Variants in BOP1 observed in about 807,000 individuals in gnomAD.
The protein encoded by BOP1 is BOP1 ribosomal biogenesis factor.
A neutral mutation model predicts 82.9 loss-of-function variants in BOP1; 54 were observed. The ratio of observed to expected loss-of-function variants is 0.65; its 90% CI spans 0.52 to 0.82. The LOEUF (loss-of-function observed/expected upper bound fraction) is 0.82, where lower values mean the gene tolerates loss of function less well. BOP1 is among the 40% of genes least tolerant of loss of function. BOP1 has a pLI of 0.00. For missense variants in BOP1, 1,170 were observed against 1,072.0 expected (o/e 1.09, Z -1.28); for synonymous variants, 566 against 451.1 (o/e 1.25, Z -3.23).
At position 144,264,339 on chromosome 8, in the gene BOP1, G is replaced by A. The variant is rs1564595010; in HGVS notation, c.864C>T (p.Asp288=). The change falls in exon 7 of 16, where the codon GAC becomes GAT. Residue 288 remains aspartate (D), a synonymous_variant. Transcript: ENST00000569669. ...PSFYDLWAQE[D]PNAVLGRHKM... ...TGTGGCGCCCGAGCACGGCGTTGGG[G>A]TCCTCCTGGGCCCACAGGTCATAGA... 1.2e-6 allele frequency: 2 copies of A among 1,608,428 alleles called. No individual in the cohort carries two copies. Among genetic ancestry groups the A allele is most frequent in the East Asian group, 4.5e-5 (2 of 44,870 alleles).
Position 144,264,105 on chromosome 8 carries a change from T to C in BOP1, c.1016A>G (p.Lys339Arg). 2 of 1,610,558 alleles carry C rather than the reference T, an allele frequency of 1.2e-6. No individual in the cohort carries two copies. The highest frequency in any genetic ancestry group is 2.2e-5 in the South Asian group (2 of 90,852). The change falls in exon 8 of 16, where the codon AAG (lysine) becomes AGG (arginine). Residue 339 changes from lysine to arginine, a missense_variant. Coordinates refer to ENST00000569669, the MANE Select transcript of BOP1 (RefSeq NM_015201.5). ...AWEQQEPGER[K>R]LSFLPRKFPS... Reference sequence around the variant, plus strand: ...GAACTTGCGTGGCAAAAAGCTCAGCTTCCTCTCGCCTGGCTCCTGCTGTTC... The same window carrying C: ...GAACTTGCGTGGCAAAAAGCTCAGCCTCCTCTCGCCTGGCTCCTGCTGTTC...
Position 144,276,308 on chromosome 8 carries a change from C to CAG in BOP1, c.310-6_310-5dup. The CAG allele has an allele frequency of 6.0e-6, 9 of 1,509,818 alleles. No individual in the cohort carries two copies. Among genetic ancestry groups the CAG allele is most frequent in the East Asian group, 2.4e-5 (1 of 42,398 alleles). 93.5% of individuals were successfully genotyped at this position (1,509,818 alleles called of 1,614,324 possible). A position where few individuals can be genotyped will look rare whatever the true frequency, so the allele number is the denominator to read the frequency against. On this transcript the variant is annotated splice_polypyrimidine_tract_variant and splice_region_variant and intron_variant, in intron 2 of 15. Coordinates refer to ENST00000569669, the MANE Select transcript of BOP1 (RefSeq NM_015201.5). The stretch of plus-strand genomic sequence containing the variant: ...TCCTCGGGCAAGGAGTGCTGGCCTG[C>CAG]AGAGAGAGAGAGAAAATGGTCACTT...
rs1845303022 is a variant in BOP1 at position 144,264,144 on chromosome 8, T to C, written c.979-2A>G. On this transcript the variant is annotated splice_acceptor_variant, in intron 7 of 15. Coordinates refer to ENST00000569669, the MANE Select transcript of BOP1 (RefSeq NM_015201.5). LOFTEE classifies it high-confidence loss of function. Reference sequence around the variant, plus strand: ...CTCCTGCTGTTCCCACGCCAAGCGCTGTGGAGACCAAGACACAGGGGTGGG... The same window carrying C: ...CTCCTGCTGTTCCCACGCCAAGCGCCGTGGAGACCAAGACACAGGGGTGGG... 1.2e-6 allele frequency: 2 copies of C among 1,610,716 alleles called. No individual in the cohort carries two copies. The highest frequency in any genetic ancestry group is 1.3e-5 in the African/African-American group (1 of 74,878).
intron 3 of BOP1, among the ~76,000 whole-genome samples, chr8:144,267,368 C>T (rs549709148): frequency 3.3e-5 from 5 of 152,172 alleles, no homozygotes; most frequent in African/African-American, 9.6e-5. Flanking sequence ...GTCCCTAGGA[C>T]ACTCGGCTCC....
chr8:144,283,467 A>C (rs1378370567), intron 2 of BOP1, among the ~76,000 whole-genome samples: 1 of 152,152 alleles, frequency 6.6e-6, no homozygotes, highest in Non-Finnish European at 1.5e-5. Context: ...ACGCACCGCC[A>C]TGCCTGGCTC....
intron 3 of BOP1, chr8:144,266,907 G>C: frequency 6.5e-7 from 1 of 1,543,782 alleles, no homozygotes; most frequent in Non-Finnish European, 8.7e-7. Context: ...TCACGGCGCT[G>C]CGCACGCTGA....
rs1395959064 is a variant in BOP1, at chr8:144,264,070, G to A, written c.1051C>T (p.Arg351Trp). ...SFLPRKFPSL[R>W]AVPAYGRFIQ... ...AAGCGTCCGTAGGCAGGCACGGCCC[G>A]CAGGCTCGGGAACTTGCGTGGCAAA... Residue 351 changes from arginine (R) to tryptophan (W), a missense_variant, in exon 8 of 16, where the codon CGG (arginine) becomes TGG (tryptophan). Coordinates refer to ENST00000569669, the MANE Select transcript of BOP1 (RefSeq NM_015201.5). The A allele has an allele frequency of 5.2e-5, 83 of 1,609,474 alleles. No individual in the cohort carries two copies. The South Asian group carries it at 6.2e-4, about 12-fold the overall frequency.
chr8:144,266,811 A>G, intron 3 of BOP1: 4 of 1,155,908 alleles, frequency 3.5e-6, no homozygotes, highest in Non-Finnish European at 4.3e-6. Context: ...GCGGGGGGCC[A>G]GGGGGCCGGC....
Position 144,276,246 on chromosome 8 carries a change from G to C in BOP1, c.368C>G (p.Ala123Gly), listed in dbSNP as rs1019799117. ...MASARIGDEY[A>G]EDSSDEEDIR... ...TACCTCCTCATCAGAGCTGTCCTCC[G>C]CATACTCATCCCCAATCCGGGCGCT... The change falls in exon 3 of 16, where the codon GCG becomes GGG. Residue 123 changes from alanine to glycine, a missense_variant. By Grantham distance (60) the Ala-to-Gly change is moderately conservative (BLOSUM62 0). Transcript: ENST00000569669. 1.5e-5 allele frequency: 24 copies of C among 1,613,362 alleles called. No homozygotes were observed. The highest frequency in any genetic ancestry group is 1.9e-5 in the Non-Finnish European group (22 of 1,179,818).
At chr8:144,274,341 G>A (rs1336312219) in intron 3 of BOP1, among the ~76,000 whole-genome samples, 3 of 152,300 alleles carry the variant, frequency 2.0e-5, no homozygotes, top group Middle Eastern at 3.4e-3. Context: ...CCAAGGACAC[G>A]GGGCTGCCTG....
At position 144,264,957 on chromosome 8, in the gene BOP1, G is replaced by A; in HGVS notation, c.505C>T (p.Leu169=). ...IYKPLRTRDE[L]DQFLDKMDDP... ...TCCATCTTGTCCAGGAACTGGTCCAGCTCATCCCGGGTCCGCAGGGGCTTG... is the reference window on the plus strand; with the variant it reads ...TCCATCTTGTCCAGGAACTGGTCCAACTCATCCCGGGTCCGCAGGGGCTTG... The change falls in exon 4 of 16, where the codon CTG becomes TTG. Residue 169 remains leucine (L), a synonymous_variant. Transcript: ENST00000569669. 2.5e-6 allele frequency: 4 copies of A among 1,612,004 alleles called. No homozygotes were observed. The highest frequency in any genetic ancestry group is 8.5e-7 in the Non-Finnish European group (1 of 1,179,670).
intron 2 of BOP1, among the ~76,000 whole-genome samples, chr8:144,278,138 G>A (rs1845599968): frequency 6.6e-6 from 1 of 152,246 alleles, no homozygotes. Context: ...TGAGGGTGAA[G>A]TAAAAGCTGA....
intron 2 of BOP1, among the ~76,000 whole-genome samples, chr8:144,285,605 G>A (rs917168859): frequency 6.6e-6 from 1 of 152,204 alleles, no homozygotes; most frequent in African/African-American, 2.4e-5. Flanking sequence ...TCCCAGGTGC[G>A]CCCACTGCAG....
At chr8:144,280,188 C>CTT (rs1554838746) in intron 2 of BOP1, among the ~76,000 whole-genome samples, 1 of 152,234 alleles carries the variant, frequency 6.6e-6, no homozygotes, top group African/African-American at 2.4e-5. Context: ...AGCTGGCAGT[C>CTT]TTCAAAAGAA....
chr8:144,276,242 C>T lies in BOP1; in HGVS notation c.372G>A (p.Glu124=). 2 of 1,613,592 alleles carry T rather than the reference C, an allele frequency of 1.2e-6. No individual in the cohort carries two copies. Among genetic ancestry groups the T allele is most frequent in the South Asian group, 2.2e-5 (2 of 91,062 alleles). The change falls in exon 3 of 16, where the codon GAG becomes GAA. Residue 124 remains glutamate (E), a synonymous_variant. Coordinates refer to ENST00000569669, the MANE Select transcript of BOP1 (RefSeq NM_015201.5). ...GTCCTACCTCCTCATCAGAGCTGTC[C>T]TCCGCATACTCATCCCCAATCCGGG... ...ASARIGDEYA[E]DSSDEEDIRN...
chr8:144,289,653 C>T (rs192180618), intron 1 of BOP1, among the ~76,000 whole-genome samples: 196 of 152,320 alleles, frequency 1.3e-3, no homozygotes, highest in Non-Finnish European at 2.2e-3. Flanking sequence ...TCCGGAGGCC[C>T]TGTGGGGTCA....
chr8:144,263,774 C>G lies in BOP1; in HGVS notation c.1222-13G>C, dbSNP rs933149799. Reference sequence around the variant, plus strand: ...GGCCCCTGTAGACCTGAGGAGGCGGCGGCAGTGAGGAGTCAGACTGGGAGG... The same window carrying G: ...GGCCCCTGTAGACCTGAGGAGGCGGGGGCAGTGAGGAGTCAGACTGGGAGG... On this transcript the variant is annotated splice_polypyrimidine_tract_variant and intron_variant, in intron 9 of 15. Transcript: ENST00000569669. 1.0e-5 allele frequency: 16 copies of G among 1,595,146 alleles called. No homozygotes were observed. The African/African-American group carries it at 1.5e-4, about 15-fold the overall frequency.
At chr8:144,270,981 C>T (rs1554837705) in intron 3 of BOP1, among the ~76,000 whole-genome samples, 1 of 152,122 alleles carries the variant, frequency 6.6e-6, no homozygotes, top group African/African-American at 2.4e-5. Context: ...TGATTCATCA[C>T]GGTCGCCTGC....
At chr8:144,286,888 G>A (rs1554839535) in intron 2 of BOP1, among the ~76,000 whole-genome samples, 1 of 152,264 alleles carries the variant, frequency 6.6e-6, no homozygotes, top group African/African-American at 2.4e-5. Flanking sequence ...ACACTCAGCA[G>A]TGCAGAGGAC....
Sources: allele counts gnomAD v4.1 joint callset (sites outside exome capture counted in the v4.1 genomes callset), GRCh38; gene constraint gnomAD v4.1.1; transcripts MANE v1.5; gene names NCBI Gene and HGNC (gene_info 2026-07-23, HGNC 2026-07-21).